GPHN: variants seen among roughly 807,000 people sequenced by gnomAD.
GPHN encodes the protein gephyrin.
A neutral mutation model predicts 95.5 loss-of-function variants in GPHN; 17 were observed. The ratio of observed to expected loss-of-function variants is 0.18; its 90% confidence interval spans 0.12 to 0.27. GPHN has a LOEUF of 0.27. Among genes scored for constraint, GPHN ranks in the 10% least tolerant of loss-of-function variants. The pLI, the probability that GPHN is intolerant of heterozygous loss-of-function variation, is 1.00. For missense variants in GPHN, 660 were observed against 978.1 expected, an observed-to-expected ratio of 0.67 and a Z score of 4.34; for synonymous variants, 320 against 322.5, an observed-to-expected ratio of 0.99 and a Z score of 0.08.
chr14:67,289,894 T>C, the GPHN span, among the ~76,000 whole-genome samples: 4 of 150,762 alleles, frequency 2.7e-5, no homozygotes, highest in Admixed American at 1.3e-4. Context: ...CCTCAGCCTC[T>C]CGAGTAGCTG....
intron 4 of GPHN, among the ~76,000 whole-genome samples, chr14:66,866,442 T>C (rs1367649960): frequency 6.6e-6 from 1 of 152,218 alleles, no homozygotes. Flanking sequence ...AAGATACGTA[T>C]TCTCATGAAA....
intron 1 of GPHN, among the ~76,000 whole-genome samples, chr14:66,581,844 A>G (rs1329872177): frequency 1.3e-5 from 2 of 152,044 alleles, no homozygotes; most frequent in Admixed American, 6.6e-5. Flanking sequence ...AGAAGATATA[A>G]CAATTGTAAA....
At chr14:66,590,247 A>T (rs1003791114) in intron 1 of GPHN, among the ~76,000 whole-genome samples, 1 of 152,188 alleles carries the variant, frequency 6.6e-6, no homozygotes, top group African/African-American at 2.4e-5. Flanking sequence ...CGACACCCTA[A>T]CATCACAATA....
At chr14:67,532,187 C>T in the GPHN span, among the ~76,000 whole-genome samples, 1 of 152,154 alleles carries the variant, frequency 6.6e-6, no homozygotes, top group South Asian at 2.1e-4. Context: ...AAAACTTCTA[C>T]GTGAGAATGG....
At chr14:66,644,115 C>T (rs1268660552) in intron 1 of GPHN, among the ~76,000 whole-genome samples, 2 of 151,816 alleles carry the variant, frequency 1.3e-5, no homozygotes, top group Admixed American at 6.6e-5. Context: ...GCTACCTGTC[C>T]TTTGTTGACA....
At chr14:67,597,640 AG>A in the GPHN span, among the ~76,000 whole-genome samples, 1 of 152,222 alleles carries the variant, frequency 6.6e-6, no homozygotes, top group Non-Finnish European at 1.5e-5. Flanking sequence ...AGCATTAAGA[AG>A]AATGGAGAGG....
chr14:67,275,331 G>C, the GPHN span, among the ~76,000 whole-genome samples: 4 of 151,996 alleles, frequency 2.6e-5, no homozygotes, highest in African/African-American at 9.7e-5. Flanking sequence ...TAGCATGAAG[G>C]GCTATTGAAT....
At chr14:66,730,086 T>C (rs2071628444) in intron 2 of GPHN, among the ~76,000 whole-genome samples, 1 of 152,234 alleles carries the variant, frequency 6.6e-6, no homozygotes, top group Non-Finnish European at 1.5e-5. Context: ...AACTATACTG[T>C]ATTGTGGTAG....
the GPHN span, among the ~76,000 whole-genome samples, chr14:67,696,283 C>G: frequency 1.3e-5 from 2 of 152,164 alleles, no homozygotes; most frequent in Middle Eastern, 3.2e-3. Context: ...TTTCCCCAAT[C>G]CTGGTTAGGC....
chr14:67,136,362 C>A (rs2080077586), intron 17 of GPHN, among the ~76,000 whole-genome samples: 1 of 152,152 alleles, frequency 6.6e-6, no homozygotes, highest in Non-Finnish European at 1.5e-5. Flanking sequence ...TATTAAAGTA[C>A]AAAAAATAAA....
At chr14:66,676,978 C>T (rs1381634698) in intron 1 of GPHN, among the ~76,000 whole-genome samples, 2 of 151,832 alleles carry the variant, frequency 1.3e-5, no homozygotes, top group Admixed American at 6.6e-5. Context: ...CATTATTGAT[C>T]TGCTCAGGTT....
At chr14:67,380,880 A>G in the GPHN span, 3 of 506,524 alleles carry the variant, frequency 5.9e-6, no homozygotes, top group Non-Finnish European at 6.6e-6. Flanking sequence ...ATTTTTCTAA[A>G]TGGTTGTTTT....
chr14:67,365,731 C>T, the GPHN span, among the ~76,000 whole-genome samples: 829 of 152,324 alleles, frequency 5.4e-3, 7 homozygotes, highest in African/African-American at 0.019. Context: ...TCATTAGTTA[C>T]CATCATGTCC....
At chr14:67,038,338 T>G (rs370258849) in intron 10 of GPHN, among the ~76,000 whole-genome samples, 5 of 152,058 alleles carry the variant, frequency 3.3e-5, no homozygotes, top group East Asian at 1.9e-4. Context: ...TAAAGCTTCA[T>G]TCACACAAAA....
At chr14:66,545,880 C>A (rs1481762217) in intron 1 of GPHN, among the ~76,000 whole-genome samples, 42 of 151,280 alleles carry the variant, frequency 2.8e-4, no homozygotes, top group African/African-American at 1.0e-3. Flanking sequence ...CCCCACCTCC[C>A]TCCTGGACGG....
the GPHN span, chr14:67,714,813 C>G: frequency 6.6e-6 from 1 of 152,166 alleles, no homozygotes; most frequent in African/African-American, 2.4e-5. Context: ...GGCCAATAAG[C>G]CCAGGCCTTA....
the GPHN span, among the ~76,000 whole-genome samples, chr14:67,687,467 CTTT>C: frequency 6.3e-5 from 5 of 79,690 alleles, no homozygotes; most frequent in Non-Finnish European, 7.7e-5. Flanking sequence ...CTCCATATTC[CTTT>C]TTTTTTTTTT....
intron 11 of GPHN, among the ~76,000 whole-genome samples, chr14:67,066,475 G>T (rs2076061861): frequency 6.6e-6 from 1 of 152,154 alleles, no homozygotes; most frequent in South Asian, 2.1e-4. Context: ...ATGCTGGCCT[G>T]CCTTGCTAAG....
chr14:67,070,047 A>G (rs1961382300), intron 11 of GPHN, among the ~76,000 whole-genome samples: 2 of 152,026 alleles, frequency 1.3e-5, no homozygotes, highest in Non-Finnish European at 2.9e-5. Flanking sequence ...TTTGCTGTCT[A>G]TTTTTTAATT....
Sources: gnomAD v4.1 joint callset for allele counts (sites outside exome capture counted in the v4.1 genomes callset) on GRCh38, gnomAD v4.1.1 for gene constraint, MANE v1.5 for transcripts, NCBI Gene and HGNC (gene_info 2026-07-23, HGNC 2026-07-21) for gene names.